Variants in FAM107A observed in about 807,000 individuals in gnomAD.
FAM107A encodes the protein family with sequence similarity 107 member A.
In FAM107A, 19 loss-of-function variants were observed where a neutral mutation model predicts 13.7. The ratio of observed to expected loss-of-function variants is 1.38; its 90% CI spans 0.97 to 2.03. FAM107A has a LOEUF of 2.03. Ranked by LOEUF, FAM107A falls within the 30% of genes most tolerant of loss-of-function variation. The pLI is 0.00. For synonymous variants in FAM107A, 82 were observed against 74.5 expected (o/e 1.10, Z -0.52); for missense variants, 203 against 184.4 (o/e 1.10, Z -0.58).
chr3:58,623,727 T>C (rs1246812920), intron 1 of FAM107A, among the ~76,000 whole-genome samples: 1 of 152,192 alleles, frequency 6.6e-6, no homozygotes, highest in Admixed American at 6.5e-5. Context: ...CCACCCTTAC[T>C]AGCTGGGTGA....
chr3:58,570,038 A>G (rs1457441379), intron 1 of FAM107A, among the ~76,000 whole-genome samples, 173 bp from the exon 2 acceptor site: 5 of 152,212 alleles, frequency 3.3e-5, no homozygotes, highest in Non-Finnish European at 7.3e-5. Context: ...CACTTATAAA[A>G]TGGAAATCAT....
intron 1 of FAM107A, among the ~76,000 whole-genome samples, chr3:58,594,923 C>T (rs2065685419): frequency 6.6e-6 from 1 of 152,132 alleles, no homozygotes; most frequent in African/African-American, 2.4e-5. Context: ...GTCCTGGGTC[C>T]TTCCAATTCT....
At chr3:58,622,822 C>T (rs1445044838) in intron 1 of FAM107A, among the ~76,000 whole-genome samples, 1 of 152,148 alleles carries the variant, frequency 6.6e-6, no homozygotes, top group African/African-American at 2.4e-5. Flanking sequence ...CCCATGAGCT[C>T]CTGACACATT....
intron 1 of FAM107A, among the ~76,000 whole-genome samples, chr3:58,624,790 A>G (rs9848357): frequency 0.045 from 6,917 of 152,320 alleles, 255 homozygotes; most frequent in African/African-American, 0.095. Context: ...CTCCTGGCCC[A>G]GGGGTCATGT....
At chr3:58,600,923 G>A (rs1160338062) in intron 1 of FAM107A, among the ~76,000 whole-genome samples, 2 of 152,172 alleles carry the variant, frequency 1.3e-5, no homozygotes, top group Admixed American at 1.3e-4. Context: ...CCAGAGCCAT[G>A]CCCTGTGGAA....
chr3:58,626,893 G>A, intron 1 of FAM107A: 1 of 1,396,746 alleles, frequency 7.2e-7, no homozygotes, highest in Non-Finnish European at 9.8e-7. Context: ...CAGGGTAGGT[G>A]GGTCGGGGCT....
chr3:58,571,446 C>G (rs1413754675), intron 1 of FAM107A, among the ~76,000 whole-genome samples: 2 of 117,114 alleles, frequency 1.7e-5, no homozygotes, highest in African/African-American at 4.9e-5. Flanking sequence ...TTATTAACTT[C>G]CCTTTTTTTC....
At chr3:58,589,338 T>G, upstream of FAM107A, 4 of 1,027,430 alleles carry the variant, frequency 3.9e-6, no homozygotes, top group South Asian at 5.5e-5. Flanking sequence ...GGGTGATATA[T>G]TCACAATGTA....
intron 1 of FAM107A, chr3:58,627,191 G>A: frequency 3.3e-6 from 2 of 598,642 alleles, no homozygotes; most frequent in Non-Finnish European, 5.9e-6. Flanking sequence ...ACAGGCTTAG[G>A]GCGATTGATC....
rs550649419 is a variant in FAM107A, at chr3:58,612,344, C to T, written c.-70+15072G>A. Among the ~76,000 whole-genome samples, 427 of 152,162 alleles carry T rather than the reference C, an allele frequency of 2.8e-3. 1 individual carries two copies. Among genetic ancestry groups the T allele is most frequent in the African/African-American group, 9.8e-3 (405 of 41,512 alleles). On this transcript the variant is annotated intron_variant, in intron 1 of 3. Coordinates refer to the FAM107A transcript ENST00000465970. Reference sequence around the variant, plus strand: ...CTTCTAATCCCAGCATTTTGGGAGGCTGAGGGGGGCAGATCACTTGTGCTC... The same window carrying T: ...CTTCTAATCCCAGCATTTTGGGAGGTTGAGGGGGGCAGATCACTTGTGCTC...
intron 1 of FAM107A, among the ~76,000 whole-genome samples, chr3:58,603,464 C>A (rs569136135): frequency 2.2e-4 from 33 of 152,206 alleles, no homozygotes; most frequent in African/African-American, 7.5e-4. Flanking sequence ...AGGGACAGCT[C>A]TCATGGGAAA....
intron 1 of FAM107A, chr3:58,574,315 G>T (rs1002702735): frequency 6.6e-6 from 1 of 152,184 alleles, no homozygotes; most frequent in Non-Finnish European, 1.5e-5. Flanking sequence ...CCCACCACAG[G>T]GATTCTGATT....
upstream of FAM107A, among the ~76,000 whole-genome samples, chr3:58,588,803 G>A (rs990770160): frequency 3.9e-5 from 6 of 152,058 alleles, no homozygotes; most frequent in Non-Finnish European, 7.4e-5. Context: ...GGGATTACAG[G>A]TGCACGCAAC....
chr3:58,586,906 C>G, exon 1 of FAM107A: 1 of 1,532,934 alleles, frequency 6.5e-7, no homozygotes, highest in Non-Finnish European at 8.7e-7. Flanking sequence ...TCGGAGGGCC[C>G]CCGGGCCCAC....
chr3:58,583,102 C>A (rs2065566587), intron 1 of FAM107A, among the ~76,000 whole-genome samples: 1 of 152,260 alleles, frequency 6.6e-6, no homozygotes, highest in Admixed American at 6.5e-5. Flanking sequence ...CCCGGCCGAG[C>A]ATTCAAGATT....
chr3:58,608,984 G>A (rs542563421), intron 1 of FAM107A: 1 of 152,342 alleles, frequency 6.6e-6, no homozygotes, highest in Non-Finnish European at 1.5e-5. Context: ...ACCTTCCTGA[G>A]ATCTGCAGGG....
intron 1 of FAM107A, among the ~76,000 whole-genome samples, chr3:58,598,205 C>T (rs1251863827): frequency 6.6e-6 from 1 of 152,196 alleles, no homozygotes; most frequent in Non-Finnish European, 1.5e-5. Context: ...TTTTCCATCC[C>T]CAGGGATGGA....
chr3:58,566,815 A>T, intron 3 of FAM107A, 120 bp from the exon 4 acceptor site: 1 of 747,188 alleles, frequency 1.3e-6, no homozygotes, highest in Non-Finnish European at 2.3e-6. Context: ...CCTGGGGATG[A>T]GTTTTGCTAT....
chr3:58,606,427 T>C (rs2065795492), intron 1 of FAM107A, among the ~76,000 whole-genome samples: 1 of 152,244 alleles, frequency 6.6e-6, no homozygotes, highest in Non-Finnish European at 1.5e-5. Flanking sequence ...GCTTCCATTG[T>C]GTTCTTCCTA....
Sources: gnomAD v4.1 joint callset for allele counts (sites outside exome capture counted in the v4.1 genomes callset) on GRCh38, gnomAD v4.1.1 for gene constraint, MANE v1.5 for transcripts, NCBI Gene and HGNC (gene_info 2026-07-23, HGNC 2026-07-21) for gene names.